ACACB: variants seen among roughly 807,000 people sequenced by gnomAD.
ACACB encodes the protein acetyl-CoA carboxylase beta.
Under a neutral mutation model 278.8 loss-of-function variants are expected in ACACB, and 209 were observed. The ratio of observed to expected loss-of-function variants is 0.75; its 90% CI spans 0.67 to 0.84. The LOEUF is 0.84. ACACB is among the 40% of genes least tolerant of loss of function. ACACB has a pLI of 0.00. For synonymous variants in ACACB, 1,174 were observed against 1,285.6 expected, an observed-to-expected ratio of 0.91 and a Z score of 1.86; for missense variants, 2,850 against 3,269.0, an observed-to-expected ratio of 0.87 and a Z score of 3.13.
Position 109,193,735 on chromosome 12 carries a change from T to C in ACACB, c.2481+6T>C, listed in dbSNP as rs1325393431. Reference sequence around the variant, plus strand: ...GTGTTAAGTACATTCTCAAGGTAAATGCCCCCGTGCCTCTCCGATGTCTCC... The same window carrying C: ...GTGTTAAGTACATTCTCAAGGTAAACGCCCCCGTGCCTCTCCGATGTCTCC... On this transcript the variant is annotated splice_donor_region_variant and intron_variant, in intron 16 of 52. Coordinates refer to ENST00000338432, the MANE Select transcript of ACACB (RefSeq NM_001093.4). 6.2e-7 allele frequency: 1 copy of C among 1,607,842 alleles called. No homozygotes were observed. Among genetic ancestry groups the C allele is most frequent in the Admixed American group, 1.7e-5 (1 of 59,992 alleles).
rs1346750205 is a variant in ACACB at position 109,262,950 on chromosome 12, T to TTTTATATATATATATATATATATA, written c.6787+482_6787+483insTTATATATATATATATATATATAT. 2.0e-3 allele frequency: 123 copies of TTTTATATATATATATATATATATA among 62,504 alleles called. 12 individuals carry two copies. The highest frequency in any genetic ancestry group is 3.9e-3 in the Non-Finnish European group (101 of 25,654). 3.9% of individuals were successfully genotyped at this position (62,504 alleles called of 1,614,324 possible). On this transcript the variant is annotated intron_variant, in intron 49 of 52. Coordinates refer to ENST00000338432, the MANE Select transcript of ACACB (RefSeq NM_001093.4). ...CATTTCTAAATCAACCTTTTTAACA[T>TTTTATATATATATATATATATATA]TATATATATATATATATATATATAT...
chr12:109,187,409 C>T (rs748296987), intron 12 of ACACB, among the ~76,000 whole-genome samples: 1 of 152,004 alleles, frequency 6.6e-6, no homozygotes, highest in Non-Finnish European at 1.5e-5. Context: ...CCTGCACTAC[C>T]ATCTCTGTCC....
intron 2 of ACACB, among the ~76,000 whole-genome samples, chr12:109,158,454 G>A (rs1234647346): frequency 6.6e-6 from 1 of 151,920 alleles, no homozygotes; most frequent in East Asian, 1.9e-4. Flanking sequence ...GACCAAGACA[G>A]GAGGGTTGCT....
intron 2 of ACACB, among the ~76,000 whole-genome samples, chr12:109,149,559 G>A (rs575674478): frequency 2.0e-5 from 3 of 152,270 alleles, no homozygotes; most frequent in Admixed American, 6.5e-5. Flanking sequence ...ACCCCAGCCT[G>A]AGCAACAGAG....
At chr12:109,254,780 T>C (rs1317199371) in intron 44 of ACACB, among the ~76,000 whole-genome samples, 1 of 151,624 alleles carries the variant, frequency 6.6e-6, no homozygotes, top group African/African-American at 2.4e-5. Flanking sequence ...GGTCTCCTCT[T>C]CTTTTTTTTT....
chr12:109,204,742 C>T (rs768896253), intron 19 of ACACB, among the ~76,000 whole-genome samples: 4 of 152,186 alleles, frequency 2.6e-5, no homozygotes, highest in Non-Finnish European at 5.9e-5. Flanking sequence ...TGAGTGAGAA[C>T]ATGCTAAATT....
intron 12 of ACACB, 133 bp from the exon 13 acceptor site, chr12:109,187,866 A>C: frequency 1.1e-6 from 1 of 889,728 alleles, no homozygotes. Context: ...AACAAGCGAT[A>C]TCAGTGTTCT....
At chr12:109,235,511 T>G in intron 32 of ACACB, 95 bp from the exon 33 acceptor site, 1 of 1,423,914 alleles carries the variant, frequency 7.0e-7, no homozygotes, top group Non-Finnish European at 9.9e-7. Context: ...ATTCTAGAAG[T>G]GAATGTAATC....
chr12:109,135,920 C>T (rs903102099), intron 1 of ACACB, among the ~76,000 whole-genome samples: 30 of 151,242 alleles, frequency 2.0e-4, no homozygotes, highest in African/African-American at 6.8e-4. Flanking sequence ...CGCCATTCTC[C>T]TTCCTCAGTC....
intron 13 of ACACB, 136 bp downstream of exon 13, chr12:109,188,298 C>T: frequency 1.1e-6 from 1 of 916,302 alleles, no homozygotes; most frequent in South Asian, 1.9e-5. Context: ...TTCCCTCCCT[C>T]TCAGCCTTTC....
chr12:109,157,751 C>G (rs540874700), intron 2 of ACACB, among the ~76,000 whole-genome samples: 3 of 152,320 alleles, frequency 2.0e-5, no homozygotes, highest in Admixed American at 2.0e-4. Flanking sequence ...GAAGCCAGAA[C>G]TCCTGAGAAG....
In ACACB at chr12:109,241,091, T is replaced by C. The variant is rs2046783383; in HGVS notation, c.4832T>C (p.Val1611Ala). Residue 1611 changes from valine (V) to alanine (A), a missense_variant, in exon 36 of 53, where the codon GTG (valine) becomes GCG (alanine). Transcript: ENST00000338432. ...GTTTTGGGGCAGATCGAGGAGTCCG[T>C]GCGCTACATGGTTATGCGCTACGGC... Reference protein sequence around the residue: ...IMDPFKIEESVRYMVMRYGSR... With the variant: ...IMDPFKIEESARYMVMRYGSR... 1 of 1,614,136 alleles carries C rather than the reference T, an allele frequency of 6.2e-7. No individual in the cohort carries two copies. The highest frequency in any genetic ancestry group is 8.5e-7 in the Non-Finnish European group (1 of 1,180,010).
chr12:109,253,207 T>A (rs2047142429), intron 43 of ACACB, 49 bp downstream of exon 43: 2 of 1,485,658 alleles, frequency 1.3e-6, no homozygotes, highest in South Asian at 2.9e-5. Context: ...CTTATTAAGC[T>A]CATTGGCTAA....
At chr12:109,138,188 G>A (rs886771091) in intron 1 of ACACB, among the ~76,000 whole-genome samples, 1 of 152,186 alleles carries the variant, frequency 6.6e-6, no homozygotes, top group Non-Finnish European at 1.5e-5. Flanking sequence ...ACAGGCATGA[G>A]CCACCGCACT....
In ACACB at chr12:109,260,188, G is replaced by A. The variant is rs192582496; in HGVS notation, c.6497-292G>A. The stretch of plus-strand genomic sequence containing the variant: ...TTCTTTGCTGGAAATGGTGGGGCAG[G>A]GCAGGGACAGTCATGGGTGAGGGCA... On this transcript the variant is annotated intron_variant, in intron 47 of 52. Transcript: ENST00000338432. The A allele has an allele frequency of 6.1e-4, 877 of 1,427,440 alleles. 3 individuals are homozygous for A. Among genetic ancestry groups the A allele is most frequent in the Non-Finnish European group, 4.0e-4 (431 of 1,064,610 alleles). 88.4% of individuals were successfully genotyped at this position (1,427,440 alleles called of 1,614,324 possible).
At chr12:109,232,872 C>T (rs1031611660) in intron 29 of ACACB, 66 bp downstream of exon 29, 48 of 1,585,798 alleles carry the variant, frequency 3.0e-5, no homozygotes, top group Admixed American at 8.5e-5. Flanking sequence ...CCTTGAATCC[C>T]CCCCCAATTC....
At chr12:109,165,275 A>G (rs1013637918) in intron 2 of ACACB, among the ~76,000 whole-genome samples, 1 of 152,230 alleles carries the variant, frequency 6.6e-6, no homozygotes, top group Non-Finnish European at 1.5e-5. Context: ...CCTAGAGGAC[A>G]GCCAGTACCT....
At position 109,246,262 on chromosome 12, in the gene ACACB, C is replaced by A. The variant is rs769794585; in HGVS notation, c.5385C>A (p.Ile1795=). 1.2e-6 allele frequency: 2 copies of A among 1,613,452 alleles called. No individual in the cohort carries two copies. Among genetic ancestry groups the A allele is most frequent in the Non-Finnish European group, 1.7e-6 (2 of 1,179,920 alleles). ...GRDVIVIGND[I]TFRIGSFGPG... The stretch of plus-strand genomic sequence containing the variant: ...ATGTGATCGTCATCGGCAATGACAT[C>A]ACCTTTCGCATTGGATCCTTTGGCC... Residue 1795 remains isoleucine, a synonymous_variant, in exon 39 of 53, where the codon ATC becomes ATA. Coordinates refer to ENST00000338432, the MANE Select transcript of ACACB (RefSeq NM_001093.4).
intron 22 of ACACB, among the ~76,000 whole-genome samples, chr12:109,215,110 A>G (rs539756302): frequency 6.6e-6 from 1 of 152,186 alleles, no homozygotes; most frequent in East Asian, 1.9e-4. Flanking sequence ...AAAAGAAAAA[A>G]AAAAAGGGAG....
Sources: allele counts gnomAD v4.1 joint callset (sites outside exome capture counted in the v4.1 genomes callset), GRCh38; gene constraint gnomAD v4.1.1; transcripts MANE v1.5; gene names NCBI Gene and HGNC (gene_info 2026-07-23, HGNC 2026-07-21).